The following PDLIM7 variants were observed in gnomAD, a reference collection of about 807,000 sequenced individuals.
PDLIM7 encodes the protein PDZ and LIM domain 7, also known as PDZ and LIM domain protein 7.
PDLIM7 carries 37 observed loss-of-function variants against 53.9 expected under a neutral mutation model. The observed-to-expected ratio is 0.69, with a 90% CI of 0.53 to 0.90. The LOEUF is 0.90. Among genes scored for constraint, PDLIM7 ranks in the 40% least tolerant of loss-of-function variants. PDLIM7 has a pLI of 0.00. For synonymous variants in PDLIM7, 300 were observed against 261.3 expected (o/e 1.15, Z -1.43); for missense variants, 617 against 638.5 (o/e 0.97, Z 0.36).
chr5:177,486,241 A>G (rs1478493385), intron 10 of PDLIM7, among the ~76,000 whole-genome samples: 1 of 152,140 alleles, frequency 6.6e-6, no homozygotes, highest in South Asian at 2.1e-4. Flanking sequence ...GATTTTTTAA[A>G]TTGTTTGCTA....
In PDLIM7 at chr5:177,496,504, G is replaced by C; in HGVS notation, c.9C>G (p.Ser3=). ...CTGGCCCCTCCAGCACTACTTTGAA[G>C]GAATCCATGATGCCGGCTCCTGAGA... The part of the protein sequence containing the change: MD[S]FKVVLEGPAP... The change falls in exon 2 of 13, where the codon TCC becomes TCG. Residue 3 remains serine, a synonymous_variant. Coordinates refer to ENST00000355841, the MANE Select transcript of PDLIM7 (RefSeq NM_005451.5). 1 of 1,593,696 alleles carries C rather than the reference G, an allele frequency of 6.3e-7. No homozygotes were observed. Among genetic ancestry groups the C allele is most frequent in the Non-Finnish European group, 8.5e-7 (1 of 1,169,958 alleles).
intron 7 of PDLIM7, 167 bp downstream of exon 7, chr5:177,490,703 A>G (rs1200081880): frequency 2.2e-6 from 2 of 923,398 alleles, no homozygotes; most frequent in African/African-American, 3.5e-5. Flanking sequence ...AGAAGGAAGG[A>G]AGGAGGAAGG....
intron 9 of PDLIM7, 75 bp from the exon 10 acceptor site, chr5:177,488,323 AC>A: frequency 7.7e-7 from 1 of 1,296,084 alleles, no homozygotes; most frequent in Non-Finnish European, 1.1e-6. Flanking sequence ...AGGTTGACTG[AC>A]CACCCACCAG....
At position 177,492,404 on chromosome 5, in the gene PDLIM7, C is replaced by T; in HGVS notation, c.279+1G>A. The T allele has an allele frequency of 6.2e-7, 1 of 1,613,486 alleles. No individual in the cohort carries two copies. ...CCCGGATGTCCCGGCCAGCCTCGTA[C>T]CTTCTGCGGTTTGCTCTGAACCGGC... is the stretch of plus-strand genomic sequence containing the variant. On this transcript the variant is annotated splice_donor_variant, in intron 4 of 12. Transcript: ENST00000355841. LOFTEE classifies it high-confidence loss of function.
chr5:177,489,729 G>C, intron 8 of PDLIM7, 42 bp downstream of exon 8: 1 of 1,494,278 alleles, frequency 6.7e-7, no homozygotes, highest in Non-Finnish European at 8.9e-7. Context: ...TGCCCCTGGA[G>C]GCTGCCCACC....
intron 7 of PDLIM7, 191 bp from the exon 8 acceptor site, chr5:177,490,023 G>C (rs749103482): frequency 1.7e-5 from 26 of 1,533,982 alleles, no homozygotes; most frequent in Middle Eastern, 3.3e-4. Flanking sequence ...GCTGGTGTGC[G>C]GTCTCTAGCT....
At position 177,491,195 on chromosome 5, in the gene PDLIM7, G is replaced by C; in HGVS notation, c.399-49C>G. 1.9e-6 allele frequency: 3 copies of C among 1,556,480 alleles called. 1 individual carries two copies. The highest frequency in any genetic ancestry group is 2.6e-6 in the Non-Finnish European group (3 of 1,144,228). ...ACCCCACACTGGGGGTGGGCGGTGG[G>C]GGCAGCCCCTCCCAGGATTTGGTGC... On this transcript the variant is annotated intron_variant, in intron 5 of 12. Coordinates refer to ENST00000355841, the MANE Select transcript of PDLIM7 (RefSeq NM_005451.5).
intron 5 of PDLIM7, 66 bp downstream of exon 5, chr5:177,491,740 CG>C (rs1397560927): frequency 2.6e-6 from 2 of 780,062 alleles, no homozygotes; most frequent in African/African-American, 3.7e-5. Flanking sequence ...TGAGCAGCAG[CG>C]GGCAGCGGGC....
At chr5:177,489,364 C>T in intron 9 of PDLIM7, 29 bp downstream of exon 9, 1 of 1,488,414 alleles carries the variant, frequency 6.7e-7, no homozygotes, top group East Asian at 2.4e-5. Flanking sequence ...GATGGGAAAG[C>T]CAGGGTCGGA....
At chr5:177,487,896 G>T in intron 10 of PDLIM7, 172 bp downstream of exon 10, 1 of 532,084 alleles carries the variant, frequency 1.9e-6, no homozygotes, top group Non-Finnish European at 3.1e-6. Context: ...ATGGTCATTT[G>T]TTAAGAGCAT....
At chr5:177,486,928 G>C (rs1472393146) in intron 10 of PDLIM7, among the ~76,000 whole-genome samples, 2 of 127,858 alleles carry the variant, frequency 1.6e-5, no homozygotes, top group African/African-American at 6.2e-5. Context: ...ACCGTGCCTG[G>C]CCCTTTTTTT....
rs145886743 is a variant in PDLIM7 at position 177,491,074 on chromosome 5, C to T, written c.471G>A (p.Pro157=). Residue 157 remains proline, a synonymous_variant, in exon 6 of 13, where the codon CCG becomes CCA. Transcript: ENST00000355841. The part of the protein sequence containing the change: ...RLMENTEDWR[P]RPGTGQSRSF... ...AACGCGACTGGCCTGTCCCCGGCCGCGGCCGCCAGTCCTCTGTGTTCTCCA... is the reference window on the plus strand; with the variant it reads ...AACGCGACTGGCCTGTCCCCGGCCGTGGCCGCCAGTCCTCTGTGTTCTCCA... The T allele has an allele frequency of 6.9e-5, 111 of 1,610,886 alleles. 2 individuals carry two copies. In the South Asian group the frequency reaches 8.9e-4, roughly 13 times the overall value.
intron 7 of PDLIM7, 61 bp from the exon 8 acceptor site, chr5:177,489,893 C>A (rs987535946): frequency 1.9e-6 from 3 of 1,545,244 alleles, no homozygotes; most frequent in Non-Finnish European, 2.6e-6. Context: ...CCCCACCCCC[C>A]AACCTGGGTC....
Position 177,492,626 on chromosome 5 carries a change from C to A in PDLIM7, c.148G>T (p.Val50Leu). 1 of 1,610,696 alleles carries A rather than the reference C, an allele frequency of 6.2e-7. No individual in the cohort carries two copies. Among genetic ancestry groups the A allele is most frequent in the Non-Finnish European group, 8.5e-7 (1 of 1,179,984 alleles). The part of the protein sequence containing the change: ...AQAGVAVGDW[V>L]LSIDGENAGS... Reference sequence around the variant, plus strand: ...GCATTCTCGCCATCGATGCTCAGCACCCAGTCACCCACGGCCACTCCGGCC... The same window carrying A: ...GCATTCTCGCCATCGATGCTCAGCAACCAGTCACCCACGGCCACTCCGGCC... Residue 50 changes from valine (V) to leucine (L), a missense_variant, in exon 3 of 13, where the codon GTG becomes TTG. Coordinates refer to ENST00000355841, the MANE Select transcript of PDLIM7 (RefSeq NM_005451.5).
chr5:177,488,333 A>C, intron 9 of PDLIM7, 85 bp from the exon 10 acceptor site: 1 of 1,188,354 alleles, frequency 8.4e-7, no homozygotes, highest in Non-Finnish European at 1.2e-6. Context: ...ACCACCCACC[A>C]GGAGGCCTTG....
At chr5:177,484,021 T>G (rs750367105) in intron 11 of PDLIM7, 39 bp from the exon 12 acceptor site, 3 of 1,613,442 alleles carry the variant, frequency 1.9e-6, no homozygotes, top group Non-Finnish European at 1.7e-6. Flanking sequence ...CCTGGATTCA[T>G]GCCTGCCCCA....
At chr5:177,496,025 G>C (rs1759052974) in intron 2 of PDLIM7, among the ~76,000 whole-genome samples, 1 of 152,100 alleles carries the variant, frequency 6.6e-6, no homozygotes, top group Non-Finnish European at 1.5e-5. Context: ...CTATTCCCTG[G>C]GCGGCAGTGA....
At chr5:177,490,289 T>A (rs774524102) in intron 7 of PDLIM7, 6 of 1,442,972 alleles carry the variant, frequency 4.2e-6, no homozygotes, top group Non-Finnish European at 5.4e-6. Context: ...AGCACAGACC[T>A]GGCAGACAGC....
chr5:177,496,556 C>T, intron 1 of PDLIM7, 33 bp from the exon 2 acceptor site: 3 of 1,472,760 alleles, frequency 2.0e-6, no homozygotes, highest in South Asian at 1.3e-5. Context: ...GAGTGGCCAG[C>T]ATGGTGGGCG....
Sources: allele counts gnomAD v4.1 joint callset (sites outside exome capture counted in the v4.1 genomes callset), GRCh38; gene constraint gnomAD v4.1.1; transcripts MANE v1.5; gene names NCBI Gene and HGNC (gene_info 2026-07-23, HGNC 2026-07-21).